CADPS2: variants seen among roughly 807,000 people sequenced by gnomAD.
The protein encoded by CADPS2 is calcium dependent secretion activator 2.
In CADPS2, 93 loss-of-function variants were observed where a neutral mutation model predicts 172.5. That is an observed-to-expected ratio of 0.54 (90% CI 0.46 to 0.64). The LOEUF is 0.64. Ranked by LOEUF, CADPS2 falls within the 30% of genes least tolerant of loss-of-function variation. The probability of loss-of-function intolerance (pLI) is 0.00; values close to 1 mark genes in which losing one functional copy is unlikely to be tolerated. For synonymous variants in CADPS2, 546 were observed against 555.2 expected (o/e 0.98, Z 0.23); for missense variants, 1,420 against 1,565.9 (o/e 0.91, Z 1.57).
At chr7:122,466,388 C>T (rs190961179) in intron 14 of CADPS2, among the ~76,000 whole-genome samples, 29 of 152,272 alleles carry the variant, frequency 1.9e-4, no homozygotes, top group Non-Finnish European at 4.0e-4. Flanking sequence ...TCCTGCTTTT[C>T]GCTGTCTTTG....
intron 6 of CADPS2, among the ~76,000 whole-genome samples, chr7:122,592,473 C>T (rs1390200852): frequency 1.3e-5 from 2 of 152,002 alleles, no homozygotes; most frequent in African/African-American, 2.4e-5. Flanking sequence ...TTTGACCCAG[C>T]CATCCCATTA....
chr7:122,514,948 A>T (rs547639703), intron 8 of CADPS2, among the ~76,000 whole-genome samples: 1 of 152,298 alleles, frequency 6.6e-6, no homozygotes, highest in South Asian at 2.1e-4. Context: ...AAATATTACT[A>T]ATAGTATCTT....
At chr7:122,414,026 G>A (rs749044775) in intron 19 of CADPS2, 42 bp downstream of exon 19, 1 of 1,512,084 alleles carries the variant, frequency 6.6e-7, no homozygotes, top group South Asian at 1.2e-5. Flanking sequence ...ACATAAAAGA[G>A]GTATCCTATG....
At chr7:122,381,557 G>A (rs773988173) in intron 24 of CADPS2, among the ~76,000 whole-genome samples, 5 of 152,076 alleles carry the variant, frequency 3.3e-5, no homozygotes, top group Non-Finnish European at 7.4e-5. Context: ...AAACTTTTGG[G>A]TTGAATTGAT....
At position 122,320,398 on chromosome 7, in the gene CADPS2, T is replaced by C. The variant is rs2032164516; in HGVS notation, c.3718-60A>G. On this transcript the variant is annotated intron_variant, in intron 29 of 29. Coordinates refer to ENST00000449022, the MANE Select transcript of CADPS2 (RefSeq NM_017954.11). ...TAGATTATATGCGTGTACATAGATA[T>C]ATACTCAGTTGGCATTTCAAAAATG... The C allele has an allele frequency of 2.3e-6, 3 of 1,303,760 alleles. No individual in the cohort carries two copies. The Admixed American group carries it at 7.5e-5, about 33-fold the overall frequency. The allele number at this position is 1,303,760 out of a possible 1,614,324, so 80.8% of individuals were successfully genotyped here. A position where few individuals can be genotyped will look rare whatever the true frequency, so the allele number is the denominator to read the frequency against.
intron 17 of CADPS2, among the ~76,000 whole-genome samples, chr7:122,432,234 A>G (rs759007259): frequency 1.3e-5 from 2 of 152,210 alleles, no homozygotes; most frequent in Non-Finnish European, 2.9e-5. Flanking sequence ...TAATGGCAAC[A>G]GCAGGACCTT....
intron 2 of CADPS2, among the ~76,000 whole-genome samples, chr7:122,692,230 C>G (rs1010669944): frequency 3.9e-5 from 6 of 152,096 alleles, no homozygotes; most frequent in African/African-American, 1.4e-4. Flanking sequence ...CGCAACATAG[C>G]GGGGGTGCAG....
Position 122,798,865 on chromosome 7 carries a change from G to A in CADPS2, c.340-61797C>T, listed in dbSNP as rs1161317762. On this transcript the variant is annotated intron_variant, in intron 1 of 29. Transcript: ENST00000449022. Reference sequence around the variant, plus strand: ...CTGCTTGATTTTTGCAAGACAGGGAGTCAGGAGGGGAAGAAATCTTCCTTT... The same window carrying A: ...CTGCTTGATTTTTGCAAGACAGGGAATCAGGAGGGGAAGAAATCTTCCTTT... Among the ~76,000 whole-genome samples the A allele has an allele frequency of 3.3e-5, 5 of 151,734 alleles. No homozygotes were observed. The East Asian group carries it at 7.9e-4, about 24-fold the overall frequency.
intron 1 of CADPS2, among the ~76,000 whole-genome samples, chr7:122,876,338 A>C (rs1821198441): frequency 6.6e-6 from 1 of 152,120 alleles, no homozygotes; most frequent in Non-Finnish European, 1.5e-5. Flanking sequence ...AAATAAAATA[A>C]GGGAATCCAG....
At chr7:122,645,320 C>CACACAT (rs2078229169) in intron 3 of CADPS2, among the ~76,000 whole-genome samples, 1 of 115,754 alleles carries the variant, frequency 8.6e-6, no homozygotes, top group African/African-American at 3.0e-5. Context: ...TGTGTGTATA[C>CACACAT]ATGTACATAT....
intron 2 of CADPS2, among the ~76,000 whole-genome samples, chr7:122,730,541 T>A (rs1031143824): frequency 2.0e-5 from 3 of 151,720 alleles, no homozygotes; most frequent in African/African-American, 7.2e-5. Context: ...AGATATTAAA[T>A]AATATTTAGA....
At chr7:122,884,260 G>A (rs1271588252) in intron 1 of CADPS2, among the ~76,000 whole-genome samples, 8 of 152,148 alleles carry the variant, frequency 5.3e-5, no homozygotes, top group South Asian at 2.1e-4. Context: ...ACAAAAAATA[G>A]TTTTAACAAT....
Position 122,422,385 on chromosome 7 carries a change from G to T in CADPS2, c.2477-6221C>A, listed in dbSNP as rs561924344. On this transcript the variant is annotated intron_variant, in intron 17 of 29. Transcript: ENST00000449022. ...TAACAAGGACTGTCAGCCTACTCTT[G>T]TGGACTGCTTGCTGGCAAAACTTAT... is the stretch of plus-strand genomic sequence containing the variant. Among the ~76,000 whole-genome samples, 363 of 152,250 alleles carry T rather than the reference G, an allele frequency of 2.4e-3. 2 individuals carry two copies. Among genetic ancestry groups the T allele is most frequent in the African/African-American group, 8.4e-3 (347 of 41,554 alleles).
At position 122,544,164 on chromosome 7, in the gene CADPS2, T is replaced by G. The variant is rs187937916; in HGVS notation, c.1475+10386A>C. ...GTAGCAATACATGAAATAGCAAGAA[T>G]CTTGAATGATTCAAATGTCCATTTT... is the stretch of plus-strand genomic sequence containing the variant. On this transcript the variant is annotated intron_variant, in intron 8 of 29. Transcript: ENST00000449022. Among the ~76,000 whole-genome samples, 180 of 152,216 alleles carry G rather than the reference T, an allele frequency of 1.2e-3. 1 individual carries two copies. The Middle Eastern group carries it at 0.014, about 12-fold the overall frequency.
intron 8 of CADPS2, among the ~76,000 whole-genome samples, chr7:122,516,935 C>T (rs2060423827): frequency 6.6e-6 from 1 of 151,980 alleles, no homozygotes; most frequent in South Asian, 2.1e-4. Context: ...AGTAAAATTA[C>T]CTGTTTCAGG....
intron 17 of CADPS2, among the ~76,000 whole-genome samples, chr7:122,435,792 G>GCATAATATA (rs1274036815): frequency 3.3e-5 from 5 of 151,966 alleles, no homozygotes; most frequent in African/African-American, 1.2e-4. Flanking sequence ...TGAAGAAAAT[G>GCATAATATA]CATAATATAC....
intron 8 of CADPS2, among the ~76,000 whole-genome samples, chr7:122,548,216 T>A (rs894219296): frequency 5.3e-5 from 8 of 151,568 alleles, no homozygotes; most frequent in South Asian, 2.1e-4. Context: ...AAAATTTTTT[T>A]AAAAAAACTA....
chr7:122,481,162 C>CTTTTTTTT (rs35352953), intron 11 of CADPS2, among the ~76,000 whole-genome samples: 3 of 107,544 alleles, frequency 2.8e-5, no homozygotes, highest in Non-Finnish European at 3.7e-5. Context: ...TTTCTTCATT[C>CTTTTTTTT]TTTTTTTTTT....
chr7:122,672,690 T>A (rs978669545), intron 2 of CADPS2, among the ~76,000 whole-genome samples: 2 of 152,214 alleles, frequency 1.3e-5, no homozygotes, highest in African/African-American at 4.8e-5. Context: ...GGTGCACCTT[T>A]GGCAGCCAGA....
Sources: gnomAD v4.1 joint callset for allele counts (sites outside exome capture counted in the v4.1 genomes callset) on GRCh38, gnomAD v4.1.1 for gene constraint, MANE v1.5 for transcripts, NCBI Gene and HGNC (gene_info 2026-07-23, HGNC 2026-07-21) for gene names.